The following RUNX1 variants were observed in gnomAD, a reference collection of about 807,000 sequenced individuals.
RUNX1 encodes RUNX family transcription factor 1, also known as runt-related transcription factor 1.
A neutral mutation model predicts 42.8 loss-of-function variants in RUNX1; 19 were observed. The observed-to-expected ratio is 0.44, with a 90% CI of 0.31 to 0.65. The LOEUF (loss-of-function observed/expected upper bound fraction) is 0.65. RUNX1 is among the 30% of genes least tolerant of loss of function. RUNX1 has a pLI of 0.07. For missense variants in RUNX1, 528 were observed against 672.0 expected, an observed-to-expected ratio of 0.79 and a Z score of 2.37; for synonymous variants, 271 against 289.4, an observed-to-expected ratio of 0.94 and a Z score of 0.64.
chr21:34,806,647 GGAATACTCTAACAACAGCA>G (rs1429691554), intron 7 of RUNX1, among the ~76,000 whole-genome samples: 1 of 152,104 alleles, frequency 6.6e-6, no homozygotes, highest in Non-Finnish European at 1.5e-5. Context: ...TAACATTTAT[GGAATACTCTAACAACAGCA>G]GAATACACAT....
At chr21:34,912,498 C>T (rs150601921) in intron 2 of RUNX1, among the ~76,000 whole-genome samples, 1,655 of 152,182 alleles carry the variant, frequency 0.011, 14 homozygotes, top group South Asian at 0.017. Flanking sequence ...TAACATATTG[C>T]ACCGATGTTT....
At position 34,971,887 on chromosome 21, in the gene RUNX1, C is replaced by T. The variant is rs182838744; in HGVS notation, c.58+76955G>A. Among the ~76,000 whole-genome samples the T allele has an allele frequency of 3.1e-3, 479 of 152,286 alleles. 3 individuals carry two copies. The highest frequency in any genetic ancestry group is 0.011 in the African/African-American group (464 of 41,568). ...CCTAATAAAGGATTTCTGTGGCCTA[C>T]CCTGATGAAGCAGTGGATTGCACTG... On this transcript the variant is annotated intron_variant, in intron 2 of 8. Transcript: ENST00000675419.
chr21:34,921,610 T>A (rs2146556797), intron 2 of RUNX1, among the ~76,000 whole-genome samples: 1 of 148,566 alleles, frequency 6.7e-6, no homozygotes, highest in South Asian at 2.3e-4. Context: ...ATATAAACAT[T>A]CTTATTCACT....
intron 2 of RUNX1, among the ~76,000 whole-genome samples, chr21:34,931,199 G>C (rs1025471932): frequency 6.6e-6 from 1 of 151,964 alleles, no homozygotes; most frequent in Non-Finnish European, 1.5e-5. Flanking sequence ...GTGCTGCCTA[G>C]AGGTGATTCA....
intron 7 of RUNX1, among the ~76,000 whole-genome samples, chr21:34,805,272 G>A (rs1388782796): frequency 6.6e-6 from 1 of 152,092 alleles, no homozygotes; most frequent in East Asian, 1.9e-4. Flanking sequence ...AATACCAGAT[G>A]GAGAAGAAAA....
intron 7 of RUNX1, among the ~76,000 whole-genome samples, chr21:34,832,392 CA>C (rs975759779): frequency 6.6e-6 from 1 of 152,164 alleles, no homozygotes; most frequent in African/African-American, 2.4e-5. Flanking sequence ...TCAATGGTGA[CA>C]ATATCAATTT....
Position 34,901,318 on chromosome 21 carries a change from C to T in RUNX1, c.59-8355G>A, listed in dbSNP as rs1031747574. On this transcript the variant is annotated intron_variant, in intron 2 of 8. Transcript: ENST00000675419. The surrounding 1 kb of genome is among the most constrained non-coding windows in gnomAD (Gnocchi z 4.3). Reference sequence around the variant, plus strand: ...TGAGGTCAAGAGTTTGAGACCAGCCCGGCCAACATGGTGAAACCCCGTCTC... The same window carrying T: ...TGAGGTCAAGAGTTTGAGACCAGCCTGGCCAACATGGTGAAACCCCGTCTC... Among the ~76,000 whole-genome samples the T allele has an allele frequency of 7.9e-5, 12 of 151,664 alleles. No homozygotes were observed. Among genetic ancestry groups the T allele is most frequent in the African/African-American group, 2.4e-4 (10 of 41,276 alleles).
chr21:34,935,632 C>G (rs1378408722), intron 2 of RUNX1, among the ~76,000 whole-genome samples: 2 of 151,710 alleles, frequency 1.3e-5, no homozygotes, highest in African/African-American at 4.8e-5. Context: ...CCTCAGAACT[C>G]TTGACATTTT....
At chr21:34,955,590 G>A (rs1190307056) in intron 2 of RUNX1, among the ~76,000 whole-genome samples, 1 of 152,164 alleles carries the variant, frequency 6.6e-6, no homozygotes, top group Non-Finnish European at 1.5e-5. Flanking sequence ...GATGTGTTGA[G>A]TATTCAGCAA....
At position 34,812,753 on chromosome 21, in the gene RUNX1, G is replaced by A. The variant is rs77668205; in HGVS notation, c.806-13291C>T. Among the ~76,000 whole-genome samples the A allele has an allele frequency of 3.0e-3, 451 of 152,302 alleles. 4 individuals are homozygous for A. Among genetic ancestry groups the A allele is most frequent in the Non-Finnish European group, 5.2e-3 (352 of 68,028 alleles). On this transcript the variant is annotated intron_variant, in intron 7 of 8. Transcript: ENST00000675419. The stretch of plus-strand genomic sequence containing the variant: ...GAGAAAGATGATACTCAGCCCAGCA[G>A]TGGGAAACCTCCCTCCAGAGAACTG...
chr21:34,910,853 C>A (rs1253131040), intron 2 of RUNX1, among the ~76,000 whole-genome samples: 5 of 152,140 alleles, frequency 3.3e-5, no homozygotes, highest in Admixed American at 2.6e-4. Context: ...TCACCGCAGG[C>A]TCCAGCTCCT....
At chr21:34,923,387 T>C (rs1015948711) in intron 2 of RUNX1, among the ~76,000 whole-genome samples, 4 of 152,194 alleles carry the variant, frequency 2.6e-5, no homozygotes, top group Non-Finnish European at 5.9e-5. Flanking sequence ...AGAAACTGAA[T>C]AGTGATGAGA....
chr21:34,876,708 G>A (rs2057819602), intron 5 of RUNX1, among the ~76,000 whole-genome samples: 1 of 152,184 alleles, frequency 6.6e-6, no homozygotes, highest in African/African-American at 2.4e-5. Context: ...CAGCAACAAT[G>A]CAGCTGATAA....
intron 2 of RUNX1, among the ~76,000 whole-genome samples, chr21:35,046,698 T>G (rs1478654602): frequency 6.6e-6 from 1 of 152,196 alleles, no homozygotes; most frequent in East Asian, 1.9e-4. Context: ...TTTAAACCTT[T>G]ATGTTGATGG....
rs556947397 is a variant in RUNX1, at chr21:34,825,740, T to C, written c.805+8670A>G. 1.8e-4 allele frequency among the ~76,000 whole-genome samples: 28 copies of C among 152,284 alleles called. No homozygotes were observed. In the South Asian group the frequency reaches 5.8e-3, roughly 32 times the overall value. ...CCCAGAACTGTGAATGTGACCTTAT[T>C]TGGAAAAGGGCCTTTGAAGCTATAA... On this transcript the variant is annotated intron_variant, in intron 7 of 8. Transcript: ENST00000675419.
At chr21:34,812,091 G>A (rs1386906031) in intron 7 of RUNX1, among the ~76,000 whole-genome samples, 1 of 152,004 alleles carries the variant, frequency 6.6e-6, no homozygotes, top group African/African-American at 2.4e-5. Flanking sequence ...AGGCTAAAAT[G>A]TTCCCTCATT....
At chr21:34,829,789 A>G (rs1417200824) in intron 7 of RUNX1, 2 of 152,218 alleles carry the variant, frequency 1.3e-5, no homozygotes, top group African/African-American at 4.8e-5. Context: ...TAGAAGAGTA[A>G]GGAAGAGAGG....
chr21:34,923,866 C>T (rs956036736), intron 2 of RUNX1, among the ~76,000 whole-genome samples: 5 of 151,590 alleles, frequency 3.3e-5, no homozygotes, highest in South Asian at 2.1e-4. Context: ...CCATCTTCCA[C>T]GCTGCTGCTG....
chr21:34,872,933 G>A (rs2057761013), intron 5 of RUNX1, among the ~76,000 whole-genome samples: 1 of 152,164 alleles, frequency 6.6e-6, no homozygotes, highest in African/African-American at 2.4e-5. Flanking sequence ...TTGATAAGCA[G>A]GGAGACAAGA....
Sources: gnomAD v4.1 joint callset for allele counts (sites outside exome capture counted in the v4.1 genomes callset) on GRCh38, gnomAD v4.1.1 for gene constraint, Gnocchi (gnomAD v3.1) non-coding constraint, MANE v1.5 for transcripts, NCBI Gene and HGNC (gene_info 2026-07-23, HGNC 2026-07-21) for gene names.